Variants in TTC17 observed in about 807,000 individuals in gnomAD.
TTC17 encodes the protein tetratricopeptide repeat domain 17.
TTC17 carries 58 observed loss-of-function variants against 143.8 expected under a neutral mutation model. That is an observed-to-expected ratio of 0.40 (90% CI 0.33 to 0.50). TTC17 has a LOEUF of 0.50. Among genes scored for constraint, TTC17 ranks in the 20% least tolerant of loss-of-function variants. The pLI, the probability that TTC17 is intolerant of heterozygous loss-of-function variation, is 0.49. For missense variants in TTC17, 1,273 were observed against 1,392.5 expected (o/e 0.91, Z 1.37); for synonymous variants, 501 against 497.8 (o/e 1.01, Z -0.09).
chr11:43,479,399 T>G (rs1312404022), intron 21 of TTC17, among the ~76,000 whole-genome samples: 3 of 152,102 alleles, frequency 2.0e-5, no homozygotes, highest in Non-Finnish European at 1.5e-5. Flanking sequence ...TAAAATAAAT[T>G]GTGTAAGTCA....
chr11:43,382,228 T>C (rs576871424), intron 2 of TTC17, among the ~76,000 whole-genome samples: 1 of 152,314 alleles, frequency 6.6e-6, no homozygotes, highest in East Asian at 1.9e-4. Context: ...ATTTCTGACA[T>C]ACAAAAGCAG....
At chr11:43,423,750 T>C (rs1946961319) in intron 16 of TTC17, among the ~76,000 whole-genome samples, 1 of 152,160 alleles carries the variant, frequency 6.6e-6, no homozygotes, top group Non-Finnish European at 1.5e-5. Flanking sequence ...AAGAAAAACA[T>C]TATGTTAAGT....
Position 43,443,943 on chromosome 11 carries a change from G to A in TTC17, c.2512-113G>A, listed in dbSNP as rs1947480975. The stretch of plus-strand genomic sequence containing the variant: ...TTAGGTCTTTAAGAATTAAACTCAA[G>A]GAGAGAACTTAACCTGAGCACAGTA... On this transcript the variant is annotated intron_variant, in intron 17 of 23. Coordinates refer to ENST00000039989, the MANE Select transcript of TTC17 (RefSeq NM_018259.6). The A allele has an allele frequency of 4.1e-6, 5 of 1,233,436 alleles. No homozygotes were observed. The South Asian group carries it at 8.7e-5, about 21-fold the overall frequency. The allele number at this position is 1,233,436 out of a possible 1,614,324, so 76.4% of individuals were successfully genotyped here. A position where few individuals can be genotyped will look rare whatever the true frequency, so the allele number is the denominator to read the frequency against.
chr11:43,359,134 C>T (rs1367265336), intron 1 of TTC17, 21 bp downstream of exon 1: 2 of 1,564,984 alleles, frequency 1.3e-6, no homozygotes. Flanking sequence ...GGGCGTCCCT[C>T]TTCTCCCGTG....
In TTC17 at chr11:43,493,928, T is replaced by C. The variant is rs1010210518; in HGVS notation, c.*24T>C. Reference sequence around the variant, plus strand: ...AGTGCACTTCTTCCTTCTCTCTTTCTCTTTACTCATGCTCTAAAAAAAAAG... The same window carrying C: ...AGTGCACTTCTTCCTTCTCTCTTTCCCTTTACTCATGCTCTAAAAAAAAAG... On this transcript the variant is annotated 3_prime_UTR_variant, in exon 24 of 24. Transcript: ENST00000039989. 2 of 1,550,972 alleles carry C rather than the reference T, an allele frequency of 1.3e-6. No homozygotes were observed. The highest frequency in any genetic ancestry group is 2.8e-5 in the African/African-American group (2 of 72,348).
At chr11:43,422,951 C>T (rs1177035776) in intron 16 of TTC17, among the ~76,000 whole-genome samples, 1 of 152,122 alleles carries the variant, frequency 6.6e-6, no homozygotes, top group Non-Finnish European at 1.5e-5. Flanking sequence ...AGGAATGATC[C>T]AGCAAAGTGG....
chr11:43,444,303 A>G (rs1198893364), intron 18 of TTC17, 94 bp downstream of exon 18: 2 of 1,326,222 alleles, frequency 1.5e-6, no homozygotes, highest in Admixed American at 2.8e-5. Context: ...AATAGTTCAG[A>G]TGAGATGATA....
chr11:43,466,826 G>A, intron 21 of TTC17: 1 of 286,942 alleles, frequency 3.5e-6, no homozygotes, highest in Admixed American at 3.8e-5. Context: ...TTGGGTCCAG[G>A]AATGGCAAGA....
intron 16 of TTC17, among the ~76,000 whole-genome samples, chr11:43,417,305 A>C (rs1307014159): frequency 6.6e-6 from 1 of 151,854 alleles, no homozygotes; most frequent in Non-Finnish European, 1.5e-5. Context: ...AAAAGGAAAA[A>C]CCTCTGAAGG....
chr11:43,410,007 A>G lies in TTC17; in HGVS notation c.2064+2430A>G, dbSNP rs182362637. ...CAGGTGCATACCACCATGCCCGGCT[A>G]ATTTTTGTACTTTTAGTAGAAACAG... is the stretch of plus-strand genomic sequence containing the variant. On this transcript the variant is annotated intron_variant, in intron 15 of 23. Transcript: ENST00000039989. Among the ~76,000 whole-genome samples, 47 of 151,960 alleles carry G rather than the reference A, an allele frequency of 3.1e-4. 1 individual carries two copies. The East Asian group carries it at 9.1e-3, about 29-fold the overall frequency.
At chr11:43,375,956 A>G (rs1017169787) in intron 1 of TTC17, among the ~76,000 whole-genome samples, 1 of 152,118 alleles carries the variant, frequency 6.6e-6, no homozygotes, top group Admixed American at 6.5e-5. Flanking sequence ...TGTAGATATT[A>G]ACAATATCTT....
At chr11:43,469,714 G>A (rs1201641512) in intron 21 of TTC17, among the ~76,000 whole-genome samples, 2 of 152,158 alleles carry the variant, frequency 1.3e-5, no homozygotes, top group African/African-American at 2.4e-5. Context: ...CTGGAATACC[G>A]CATGAAAGAA....
At chr11:43,409,557 A>T (rs1372937220) in intron 15 of TTC17, among the ~76,000 whole-genome samples, 2 of 152,180 alleles carry the variant, frequency 1.3e-5, no homozygotes, top group Non-Finnish European at 2.9e-5. Flanking sequence ...GTAGTAACTA[A>T]TTTAATCCTC....
chr11:43,425,312 C>T (rs932897725), intron 16 of TTC17, among the ~76,000 whole-genome samples: 1 of 151,946 alleles, frequency 6.6e-6, no homozygotes, highest in Non-Finnish European at 1.5e-5. Context: ...TGATGGGACA[C>T]CTGTCTCTTG....
chr11:43,417,422 ATC>A (rs1258365919), intron 16 of TTC17, among the ~76,000 whole-genome samples: 2 of 152,140 alleles, frequency 1.3e-5, no homozygotes, highest in Non-Finnish European at 2.9e-5. Flanking sequence ...CTTGTCTGAC[ATC>A]TGTTTCAAGT....
intron 20 of TTC17, among the ~76,000 whole-genome samples, chr11:43,450,501 A>G (rs1490752303): frequency 1.3e-5 from 2 of 152,210 alleles, no homozygotes; most frequent in East Asian, 1.9e-4. Flanking sequence ...CTTGCCATCA[A>G]ATACCAACTC....
chr11:43,393,981 T>A (rs1240652616), intron 5 of TTC17, among the ~76,000 whole-genome samples: 1 of 152,258 alleles, frequency 6.6e-6, no homozygotes, highest in East Asian at 1.9e-4. Context: ...TCTGTGTGCA[T>A]GCTTGAAGAC....
intron 3 of TTC17, 44 bp downstream of exon 3, chr11:43,389,865 A>G: frequency 6.7e-7 from 1 of 1,500,140 alleles, no homozygotes; most frequent in Non-Finnish European, 9.0e-7. Flanking sequence ...TGTTTCAAAC[A>G]TTTCCTTTCT....
At chr11:43,413,531 A>G (rs1393839392) in intron 15 of TTC17, among the ~76,000 whole-genome samples, 10 of 151,788 alleles carry the variant, frequency 6.6e-5, no homozygotes, top group African/African-American at 2.4e-4. Flanking sequence ...TTCAGAGAGT[A>G]AAAAAACAAA....
Sources: gnomAD v4.1 joint callset for allele counts (sites outside exome capture counted in the v4.1 genomes callset) on GRCh38, gnomAD v4.1.1 for gene constraint, MANE v1.5 for transcripts, NCBI Gene and HGNC (gene_info 2026-07-23, HGNC 2026-07-21) for gene names.